Variants in NXPH2 observed in about 807,000 individuals in gnomAD.
The protein encoded by NXPH2 is neurexophilin 2, also known as neurexophilin-2.
NXPH2 carries 5 observed loss-of-function variants against 19.8 expected under a neutral mutation model. That is an observed-to-expected ratio of 0.25 (90% CI 0.13 to 0.53). The LOEUF is 0.53. Ranked by LOEUF, NXPH2 falls within the 20% of genes least tolerant of loss-of-function variation. The pLI is 0.96. For synonymous variants in NXPH2, 154 were observed against 127.4 expected (o/e 1.21, Z -1.41); for missense variants, 289 against 322.8 (o/e 0.90, Z 0.80).
chr2:138,753,881 T>A (rs1015873713), intron 1 of NXPH2, among the ~76,000 whole-genome samples: 1 of 152,216 alleles, frequency 6.6e-6, no homozygotes, highest in Non-Finnish European at 1.5e-5. Flanking sequence ...GTACAGTGCT[T>A]ATATACAGTT....
At chr2:138,673,551 A>G (rs928515303) in intron 1 of NXPH2, among the ~76,000 whole-genome samples, 1 of 152,148 alleles carries the variant, frequency 6.6e-6, no homozygotes, top group Non-Finnish European at 1.5e-5. Flanking sequence ...ACTTTAAAAT[A>G]TACAACACGT....
intron 1 of NXPH2, among the ~76,000 whole-genome samples, chr2:138,685,687 A>G (rs957713033): frequency 6.6e-6 from 1 of 152,208 alleles, no homozygotes; most frequent in African/African-American, 2.4e-5. Context: ...TAATTTATTG[A>G]TGTTCTACTA....
intron 1 of NXPH2, among the ~76,000 whole-genome samples, chr2:138,738,362 G>C (rs1488950009): frequency 6.6e-6 from 1 of 151,974 alleles, no homozygotes; most frequent in Non-Finnish European, 1.5e-5. Flanking sequence ...AATGACACTT[G>C]GTGGACTCAT....
chr2:138,715,965 A>G (rs1425374392), intron 1 of NXPH2, among the ~76,000 whole-genome samples: 1 of 152,178 alleles, frequency 6.6e-6, no homozygotes, highest in Non-Finnish European at 1.5e-5. Context: ...CAACTATTCT[A>G]AAGTTAATTC....
intron 1 of NXPH2, among the ~76,000 whole-genome samples, chr2:138,708,628 T>C (rs1681053609): frequency 6.6e-6 from 1 of 152,222 alleles, no homozygotes; most frequent in Non-Finnish European, 1.5e-5. Context: ...ATACTCTATA[T>C]AGCAGTCTAG....
intron 1 of NXPH2, among the ~76,000 whole-genome samples, chr2:138,751,906 T>C (rs1681835119): frequency 6.6e-6 from 1 of 152,148 alleles, no homozygotes; most frequent in Admixed American, 6.6e-5. Flanking sequence ...TGCTCAATAC[T>C]GAACTGAATA....
intron 1 of NXPH2, among the ~76,000 whole-genome samples, chr2:138,776,242 A>G (rs1211042790): frequency 6.6e-6 from 1 of 152,090 alleles, no homozygotes; most frequent in Non-Finnish European, 1.5e-5. Flanking sequence ...CCCCTAAAAT[A>G]TTTTTCCAAA....
chr2:138,723,321 T>C (rs1181660471), intron 1 of NXPH2, among the ~76,000 whole-genome samples: 2 of 152,196 alleles, frequency 1.3e-5, no homozygotes, highest in South Asian at 2.1e-4. Flanking sequence ...TTGAAGATTA[T>C]ACATACTGGA....
chr2:138,774,344 G>A (rs1047342224), intron 1 of NXPH2, among the ~76,000 whole-genome samples: 7 of 151,922 alleles, frequency 4.6e-5, no homozygotes, highest in African/African-American at 1.2e-4. Flanking sequence ...TTCCTTTTCC[G>A]TAAGCACAGA....
At chr2:138,699,428 T>C (rs558211948) in intron 1 of NXPH2, among the ~76,000 whole-genome samples, 47 of 152,194 alleles carry the variant, frequency 3.1e-4, no homozygotes, top group African/African-American at 1.1e-3. Flanking sequence ...TACCAGTCTA[T>C]GCCTTGTGAA....
chr2:138,689,223 A>T (rs1429437960), intron 1 of NXPH2, among the ~76,000 whole-genome samples: 1 of 152,202 alleles, frequency 6.6e-6, no homozygotes, highest in African/African-American at 2.4e-5. Flanking sequence ...TGAAGAGAAG[A>T]GCCATGCTTG....
At chr2:138,721,030 T>C (rs1681271328) in intron 1 of NXPH2, among the ~76,000 whole-genome samples, 1 of 152,152 alleles carries the variant, frequency 6.6e-6, no homozygotes, top group African/African-American at 2.4e-5. Context: ...TTAAATACTT[T>C]TGTATTGTGA....
chr2:138,721,532 T>C (rs2104994000), intron 1 of NXPH2, among the ~76,000 whole-genome samples: 1 of 151,928 alleles, frequency 6.6e-6, no homozygotes, highest in South Asian at 2.1e-4. Context: ...GACAACAATA[T>C]GGAGGATGTA....
intron 1 of NXPH2, among the ~76,000 whole-genome samples, chr2:138,676,035 A>G (rs1448467681): frequency 6.6e-6 from 1 of 151,918 alleles, no homozygotes; most frequent in Non-Finnish European, 1.5e-5. Context: ...TCCTTAGCAC[A>G]TCATATTTCT....
intron 1 of NXPH2, among the ~76,000 whole-genome samples, chr2:138,712,279 A>G (rs1681117609): frequency 6.6e-6 from 1 of 152,228 alleles, no homozygotes; most frequent in African/African-American, 2.4e-5. Flanking sequence ...GGCCTGAACC[A>G]GAAGCCAATT....
At chr2:138,688,833 C>T (rs1680702955) in intron 1 of NXPH2, among the ~76,000 whole-genome samples, 1 of 152,170 alleles carries the variant, frequency 6.6e-6, no homozygotes, top group Admixed American at 6.5e-5. Flanking sequence ...ACCGCCCCCC[C>T]AACCCCCGGC....
intron 1 of NXPH2, among the ~76,000 whole-genome samples, chr2:138,774,942 G>A (rs925680096): frequency 8.5e-5 from 13 of 152,138 alleles, no homozygotes; most frequent in Non-Finnish European, 1.8e-4. Context: ...TTGTGTGAAA[G>A]AAACTTAAAA....
At chr2:138,751,163 T>C (rs1681823388) in intron 1 of NXPH2, among the ~76,000 whole-genome samples, 1 of 152,096 alleles carries the variant, frequency 6.6e-6, no homozygotes, top group African/African-American at 2.4e-5. Context: ...AAGTAACTAG[T>C]TGTCAAATGA....
At chr2:138,732,393 G>T (rs1458197145) in intron 1 of NXPH2, among the ~76,000 whole-genome samples, 1 of 152,190 alleles carries the variant, frequency 6.6e-6, no homozygotes, top group Non-Finnish European at 1.5e-5. Context: ...AAAGGCACCA[G>T]CATGGTTAGG....
Sources: gnomAD v4.1 joint callset for allele counts (sites outside exome capture counted in the v4.1 genomes callset) on GRCh38, gnomAD v4.1.1 for gene constraint, MANE v1.5 for transcripts, NCBI Gene and HGNC (gene_info 2026-07-23, HGNC 2026-07-21) for gene names.